Variants in EPC2 observed in about 807,000 individuals in gnomAD.
The protein encoded by EPC2 is enhancer of polycomb homolog 2.
A neutral mutation model predicts 92.1 loss-of-function variants in EPC2; 14 were observed. The ratio of observed to expected loss-of-function variants is 0.15; its 90% CI spans 0.10 to 0.24. The LOEUF is 0.24. Among genes scored for constraint, EPC2 ranks in the 10% least tolerant of loss-of-function variants. The probability of loss-of-function intolerance (pLI) is 1.00; values close to 1 mark genes in which losing one functional copy is unlikely to be tolerated. For synonymous variants in EPC2, 340 were observed against 334.7 expected (o/e 1.02, Z -0.17); for missense variants, 755 against 971.5 (o/e 0.78, Z 2.96).
intron 4 of EPC2, among the ~76,000 whole-genome samples, chr2:148,759,799 T>C (rs74435289): frequency 0.041 from 6,212 of 152,252 alleles, 167 homozygotes; most frequent in Non-Finnish European, 0.058. Flanking sequence ...GATGAAGATA[T>C]ATGAGAATTC....
chr2:148,678,258 G>A (rs373736468), intron 1 of EPC2, among the ~76,000 whole-genome samples: 2 of 152,158 alleles, frequency 1.3e-5, no homozygotes, highest in African/African-American at 4.8e-5. Context: ...ACAGAGTGCC[G>A]ATTGGTGTAT....
intron 1 of EPC2, among the ~76,000 whole-genome samples, chr2:148,658,617 A>C (rs879756351): frequency 6.7e-6 from 1 of 149,418 alleles, no homozygotes; most frequent in Non-Finnish European, 1.5e-5. Context: ...GTATATATAT[A>C]TATATATATA....
chr2:148,765,659 A>G (rs1223859213), intron 7 of EPC2, among the ~76,000 whole-genome samples: 2 of 152,224 alleles, frequency 1.3e-5, no homozygotes, highest in Non-Finnish European at 2.9e-5. Flanking sequence ...TTTGATAAAT[A>G]TTGCAACAGC....
intron 2 of EPC2, among the ~76,000 whole-genome samples, chr2:148,728,273 C>G (rs1682537739): frequency 6.6e-6 from 1 of 152,078 alleles, no homozygotes; most frequent in Non-Finnish European, 1.5e-5. Context: ...TATCTTACAT[C>G]TGTATGCTTT....
chr2:148,786,612 TATTC>T lies in EPC2; in HGVS notation c.*238_*241del, dbSNP rs1256713580. Reference sequence around the variant, plus strand: ...TTATTTCTGTTACTTGAATAGTAGATATTCATCATCATGCTTTTGCACTTGAATT... The same window carrying T: ...TTATTTCTGTTACTTGAATAGTAGATATCATCATGCTTTTGCACTTGAATT... On this transcript the variant is annotated 3_prime_UTR_variant, in exon 14 of 14. Coordinates refer to ENST00000258484, the MANE Select transcript of EPC2 (RefSeq NM_015630.4). 2.8e-6 allele frequency: 1 copy of T among 355,836 alleles called. No homozygotes were observed. Among genetic ancestry groups the T allele is most frequent in the African/African-American group, 2.1e-5 (1 of 47,506 alleles). 22.0% of individuals were successfully genotyped at this position (355,836 alleles called of 1,614,324 possible). A position where few individuals can be genotyped will look rare whatever the true frequency, so the allele number is the denominator to read the frequency against.
At chr2:148,724,835 T>A (rs190102279) in intron 2 of EPC2, among the ~76,000 whole-genome samples, 16 of 152,264 alleles carry the variant, frequency 1.1e-4, no homozygotes. Flanking sequence ...CACTGACTAT[T>A]GGAACCATTT....
Position 148,784,955 on chromosome 2 carries a change from A to C in EPC2, c.2305A>C (p.Arg769=). The C allele has an allele frequency of 6.4e-7, 1 of 1,556,604 alleles. No homozygotes were observed. The highest frequency in any genetic ancestry group is 8.7e-7 in the Non-Finnish European group (1 of 1,150,044). Residue 769 remains arginine, a synonymous_variant, in exon 13 of 14, where the codon AGA becomes CGA. Coordinates refer to ENST00000258484, the MANE Select transcript of EPC2 (RefSeq NM_015630.4). ...TGCCACAGTTGCTGCCAGTATGGAC[A>C]GAGTGCCAAAGGTTACTCCCAGCAG... ...KLATVAASMD[R]VPKVTPSSAI...
intron 13 of EPC2, among the ~76,000 whole-genome samples, chr2:148,785,945 A>G (rs1683858191): frequency 6.6e-6 from 1 of 152,150 alleles, no homozygotes; most frequent in African/African-American, 2.4e-5. Context: ...TGTGCTCCTA[A>G]TGATTATTCT....
In EPC2 at chr2:148,784,950, T is replaced by C. The variant is rs776283842; in HGVS notation, c.2300T>C (p.Met767Thr). 13 of 1,559,932 alleles carry C rather than the reference T, an allele frequency of 8.3e-6. No individual in the cohort carries two copies. Among genetic ancestry groups the C allele is most frequent in the Non-Finnish European group, 1.1e-5 (13 of 1,151,756 alleles). Residue 767 changes from methionine (M) to threonine (T), a missense_variant, in exon 13 of 14, where the codon ATG becomes ACG. By Grantham distance (81) the Met-to-Thr change is moderately conservative. Around this residue, in one of 4 missense-constraint regions of EPC2, gnomAD observed 207 missense variants for 260.5 expected, o/e 0.79. Transcript: ENST00000258484. The part of the protein sequence containing the change: ...ALKLATVAAS[M>T]DRVPKVTPSS... ...AAACTTGCCACAGTTGCTGCCAGTA[T>C]GGACAGAGTGCCAAAGGTTACTCCC... is the stretch of plus-strand genomic sequence containing the variant.
At chr2:148,773,698 C>A (rs1234219392) in intron 10 of EPC2, among the ~76,000 whole-genome samples, 1 of 151,996 alleles carries the variant, frequency 6.6e-6, no homozygotes, top group African/African-American at 2.4e-5. Context: ...AGTTTTTTAA[C>A]AGCATTTTTT....
intron 1 of EPC2, among the ~76,000 whole-genome samples, chr2:148,682,407 T>C (rs1444613443): frequency 6.6e-6 from 1 of 152,244 alleles, no homozygotes; most frequent in African/African-American, 2.4e-5. Context: ...AAAGTTATTA[T>C]CAGTATTCAT....
intron 4 of EPC2, among the ~76,000 whole-genome samples, chr2:148,757,397 G>A (rs902626756): frequency 1.3e-5 from 2 of 151,768 alleles, no homozygotes; most frequent in Non-Finnish European, 2.9e-5. Flanking sequence ...TATATATATT[G>A]ATATAGTTAG....
chr2:148,722,623 C>A (rs1682404827), intron 2 of EPC2, among the ~76,000 whole-genome samples: 1 of 152,122 alleles, frequency 6.6e-6, no homozygotes, highest in Non-Finnish European at 1.5e-5. Context: ...AGCGATTTCT[C>A]AAAGAACTCA....
At chr2:148,658,180 A>G (rs1026677692) in intron 1 of EPC2, among the ~76,000 whole-genome samples, 1 of 152,246 alleles carries the variant, frequency 6.6e-6, no homozygotes, top group Non-Finnish European at 1.5e-5. Context: ...ATTCATTGAC[A>G]TTGAACTCAC....
At chr2:148,645,240 A>G in intron 1 of EPC2, 70 bp downstream of exon 1, 1 of 1,341,620 alleles carries the variant, frequency 7.5e-7, no homozygotes, top group South Asian at 1.4e-5. Context: ...GGGCCTCGCC[A>G]TTCACAGAGC....
chr2:148,767,052 G>A (rs1429971801), intron 7 of EPC2, among the ~76,000 whole-genome samples: 1 of 152,056 alleles, frequency 6.6e-6, no homozygotes. Flanking sequence ...AGAAAAATTA[G>A]CCAGGCGTGG....
At chr2:148,700,261 A>G (rs1681845928) in intron 2 of EPC2, among the ~76,000 whole-genome samples, 1 of 152,132 alleles carries the variant, frequency 6.6e-6, no homozygotes, top group South Asian at 2.1e-4. Context: ...ACTTTCATGA[A>G]TTATGTGTTT....
At chr2:148,658,917 G>A (rs1680877998) in intron 1 of EPC2, among the ~76,000 whole-genome samples, 1 of 151,886 alleles carries the variant, frequency 6.6e-6, no homozygotes, top group Non-Finnish European at 1.5e-5. Context: ...TAAATATAGA[G>A]TTTAGTCTTG....
chr2:148,715,066 C>T (rs1191263248), intron 2 of EPC2, among the ~76,000 whole-genome samples: 1 of 114,920 alleles, frequency 8.7e-6, no homozygotes, highest in Non-Finnish European at 1.6e-5. Flanking sequence ...CAGAGTCTTG[C>T]TCTGTTGCCT....
Sources: allele counts gnomAD v4.1 joint callset (sites outside exome capture counted in the v4.1 genomes callset), GRCh38; gene constraint gnomAD v4.1.1; regional missense constraint gnomAD v4.1.1; transcripts MANE v1.5; gene names NCBI Gene and HGNC (gene_info 2026-07-23, HGNC 2026-07-21).